Variants in KCND3 observed in about 807,000 individuals in gnomAD.
KCND3 encodes A-type voltage-gated potassium channel KCND3.
KCND3 carries 9 observed loss-of-function variants against 51.1 expected under a neutral mutation model. The ratio of observed to expected loss-of-function variants is 0.18; its 90% CI spans 0.11 to 0.31. The LOEUF (loss-of-function observed/expected upper bound fraction) is 0.31. KCND3 is among the 10% of genes least tolerant of loss of function. The probability of loss-of-function intolerance (pLI) is 1.00; values close to 1 mark genes in which losing one functional copy is unlikely to be tolerated. For missense variants in KCND3, 526 were observed against 903.8 expected, an observed-to-expected ratio of 0.58 and a Z score of 5.36; for synonymous variants, 349 against 368.0, an observed-to-expected ratio of 0.95 and a Z score of 0.59.
chr1:111,983,298 A>G (rs1675076089), intron 1 of KCND3, among the ~76,000 whole-genome samples: 1 of 151,754 alleles, frequency 6.6e-6, no homozygotes, highest in Non-Finnish European at 1.5e-5. Flanking sequence ...AATTCTTTCT[A>G]CTCCTCCCTA....
intron 2 of KCND3, among the ~76,000 whole-genome samples, chr1:111,935,009 T>C (rs1649092803): frequency 6.6e-6 from 1 of 152,230 alleles, no homozygotes; most frequent in Non-Finnish European, 1.5e-5. Flanking sequence ...GGATGTCACC[T>C]TTGCTTCTTG....
intron 2 of KCND3, among the ~76,000 whole-genome samples, chr1:111,977,763 C>T (rs1305795376): frequency 6.6e-6 from 1 of 152,094 alleles, no homozygotes; most frequent in Admixed American, 6.5e-5. Flanking sequence ...AATCATGATG[C>T]CAAACAAAGT....
At chr1:111,806,229 G>A (rs1376506091) in intron 2 of KCND3, among the ~76,000 whole-genome samples, 1 of 152,234 alleles carries the variant, frequency 6.6e-6, no homozygotes, top group Admixed American at 6.5e-5. Flanking sequence ...CTACACTAGT[G>A]GGGAGTGTCT....
intron 2 of KCND3, among the ~76,000 whole-genome samples, chr1:111,903,809 TC>T (rs1244131726): frequency 3.9e-5 from 6 of 152,182 alleles, no homozygotes; most frequent in African/African-American, 1.4e-4. Context: ...TTTGCATGAG[TC>T]TCTCCATGTC....
chr1:111,834,044 T>C (rs1666968810), intron 2 of KCND3, among the ~76,000 whole-genome samples: 1 of 152,044 alleles, frequency 6.6e-6, no homozygotes, highest in African/African-American at 2.4e-5. Flanking sequence ...AAACTCTGAG[T>C]CACTTGAGAT....
chr1:111,948,211 G>A (rs532917877), intron 2 of KCND3, among the ~76,000 whole-genome samples: 1 of 152,360 alleles, frequency 6.6e-6, no homozygotes, highest in South Asian at 2.1e-4. Flanking sequence ...TGCCTCTACA[G>A]AAAGATCTAT....
intron 2 of KCND3, among the ~76,000 whole-genome samples, chr1:111,924,373 C>T (rs1379216346): frequency 6.6e-6 from 1 of 152,248 alleles, no homozygotes; most frequent in South Asian, 2.1e-4. Flanking sequence ...GAGAACATTA[C>T]ACCCTATAGA....
At chr1:111,944,170 G>A (rs1057006384) in intron 2 of KCND3, among the ~76,000 whole-genome samples, 19 of 152,216 alleles carry the variant, frequency 1.2e-4, no homozygotes, top group Admixed American at 1.2e-3. Flanking sequence ...TTGCAGGGGA[G>A]GTAGAGGGAA....
intron 2 of KCND3, among the ~76,000 whole-genome samples, chr1:111,824,497 G>A (rs1436070690): frequency 6.6e-6 from 1 of 152,172 alleles, no homozygotes; most frequent in Non-Finnish European, 1.5e-5. Context: ...TGAGCCTGAA[G>A]CCTGCTCCTA....
At chr1:111,798,703 C>A (rs1250895477) in intron 2 of KCND3, among the ~76,000 whole-genome samples, 2 of 151,368 alleles carry the variant, frequency 1.3e-5, no homozygotes, top group Non-Finnish European at 2.9e-5. Context: ...TAGAACCATG[C>A]CTGGCACAGG....
At chr1:111,788,357 A>C (rs1249077128) in intron 2 of KCND3, among the ~76,000 whole-genome samples, 1 of 152,148 alleles carries the variant, frequency 6.6e-6, no homozygotes, top group Non-Finnish European at 1.5e-5. Flanking sequence ...GCTAAAATAG[A>C]CTCAAAGTCA....
In KCND3 at chr1:111,802,513, G is replaced by A. The variant is rs569139866; in HGVS notation, c.1107-15407C>T. Among the ~76,000 whole-genome samples the A allele has an allele frequency of 3.3e-5, 5 of 152,350 alleles. No individual in the cohort carries two copies. In the East Asian group the frequency reaches 9.6e-4, roughly 29 times the overall value. ...TCGGGGCAGCGACTTAGATCTCTAAGCTTTAGATCCTTCAGCTGTAAAATT... is the reference window on the plus strand; with the variant it reads ...TCGGGGCAGCGACTTAGATCTCTAAACTTTAGATCCTTCAGCTGTAAAATT... On this transcript the variant is annotated intron_variant, in intron 2 of 7. Coordinates refer to ENST00000302127, the MANE Select transcript of KCND3 (RefSeq NM_001378969.1).
Position 111,772,133 on chromosome 1 carries a change from C to T in KCND3, c.*3944G>A, listed in dbSNP as rs1204323073. On this transcript the variant is annotated 3_prime_UTR_variant, in exon 8 of 8. Coordinates refer to ENST00000302127, the MANE Select transcript of KCND3 (RefSeq NM_001378969.1). ...GGATAAGTCGTTCAGTTTCTTTCCA[C>T]ATGTTTTCCCCTCTCTGAATCAAGG... 6.6e-6 allele frequency: 1 copy of T among 152,202 alleles called. No homozygotes were observed. The highest frequency in any genetic ancestry group is 1.5e-5 in the Non-Finnish European group (1 of 68,030). The allele number at this position is 152,202 out of a possible 1,614,324, so 9.4% of individuals were successfully genotyped here. A position where few individuals can be genotyped will look rare whatever the true frequency, so the allele number is the denominator to read the frequency against.
At chr1:111,920,110 C>A (rs1447016349) in intron 2 of KCND3, among the ~76,000 whole-genome samples, 1 of 152,214 alleles carries the variant, frequency 6.6e-6, no homozygotes, top group Non-Finnish European at 1.5e-5. Flanking sequence ...TGGGAGAGAA[C>A]CCCACCTGGC....
intron 2 of KCND3, among the ~76,000 whole-genome samples, chr1:111,948,683 T>G (rs34585995): frequency 0.35 from 53,821 of 151,828 alleles, 10,297 homozygotes; most frequent in African/African-American, 0.42. Flanking sequence ...GCAGACCTGC[T>G]GCTCCCCTCT....
rs569069803 is a variant in KCND3 at position 111,831,483 on chromosome 1, T to C, written c.1107-44377A>G. 1.7e-3 allele frequency among the ~76,000 whole-genome samples: 266 copies of C among 152,282 alleles called. 1 individual carries two copies. Among genetic ancestry groups the C allele is most frequent in the African/African-American group, 6.2e-3 (256 of 41,552 alleles). On this transcript the variant is annotated intron_variant, in intron 2 of 7. Transcript: ENST00000302127. ...CCCTGGCTGTACGTTTCCTGAGGCC[T>C]CCCCAGCCATGCTCCCTGGACAGCC...
At chr1:111,786,585 A>T (rs1664612695) in intron 3 of KCND3, among the ~76,000 whole-genome samples, 2 of 152,120 alleles carry the variant, frequency 1.3e-5, no homozygotes, top group Admixed American at 1.3e-4. Flanking sequence ...CTTTTATAGG[A>T]TATTAAAAAG....
intron 2 of KCND3, among the ~76,000 whole-genome samples, chr1:111,892,529 G>A (rs56181424): frequency 6.6e-6 from 1 of 152,162 alleles, no homozygotes; most frequent in African/African-American, 2.4e-5. Flanking sequence ...GTGCCAGGCT[G>A]TTTTCTGGGC....
intron 3 of KCND3, among the ~76,000 whole-genome samples, chr1:111,784,038 C>T (rs1202290838): frequency 1.3e-5 from 2 of 151,804 alleles, no homozygotes; most frequent in Middle Eastern, 6.3e-3. Context: ...AAGGGCAACC[C>T]ACGGGATCCT....
Sources: allele counts gnomAD v4.1 joint callset (sites outside exome capture counted in the v4.1 genomes callset), GRCh38; gene constraint gnomAD v4.1.1; transcripts MANE v1.5; gene names NCBI Gene and HGNC (gene_info 2026-07-23, HGNC 2026-07-21).